PSEN1: variants seen among roughly 807,000 people sequenced by gnomAD.
PSEN1 encodes the protein presenilin 1.
Under a neutral mutation model 53.5 loss-of-function variants are expected in PSEN1, and 15 were observed. That is an observed-to-expected ratio of 0.28 (90% CI 0.19 to 0.43). The LOEUF (loss-of-function observed/expected upper bound fraction) is 0.43. Among genes scored for constraint, PSEN1 ranks in the 20% least tolerant of loss-of-function variants. PSEN1 has a pLI of 1.00. For missense variants in PSEN1, 387 were observed against 571.2 expected (o/e 0.68, Z 3.29); for synonymous variants, 208 against 209.8 (o/e 0.99, Z 0.08).
At chr14:73,179,554 T>A (rs1195985249) in intron 5 of PSEN1, among the ~76,000 whole-genome samples, 1 of 152,028 alleles carries the variant, frequency 6.6e-6, no homozygotes, top group African/African-American at 2.4e-5. Flanking sequence ...GAGGCAGAGG[T>A]TGCAGTGAGC....
chr14:73,200,221 A>G (rs1899121636), intron 8 of PSEN1, among the ~76,000 whole-genome samples: 1 of 152,110 alleles, frequency 6.6e-6, no homozygotes, highest in South Asian at 2.1e-4. Context: ...ACAGATCTGA[A>G]TTTATTTTGT....
At chr14:73,196,475 T>G (rs1477504183) in intron 7 of PSEN1, among the ~76,000 whole-genome samples, 6 of 68,224 alleles carry the variant, frequency 8.8e-5, no homozygotes, top group Non-Finnish European at 1.6e-4. Flanking sequence ...AGGCATGAAA[T>G]TTTTTTTTTT....
intron 1 of PSEN1, among the ~76,000 whole-genome samples, chr14:73,144,126 T>G (rs1897003330): frequency 7.2e-6 from 1 of 139,774 alleles, no homozygotes; most frequent in Admixed American, 7.6e-5. Context: ...CTGCAACCTC[T>G]GCCTCCTGGG....
chr14:73,205,735 A>G (rs1448277305), intron 8 of PSEN1, among the ~76,000 whole-genome samples: 1 of 152,196 alleles, frequency 6.6e-6, no homozygotes, highest in East Asian at 1.9e-4. Context: ...CCTGAAATAT[A>G]TGAGAGAAGC....
chr14:73,188,615 C>G (rs908813542), intron 6 of PSEN1, among the ~76,000 whole-genome samples: 4 of 152,122 alleles, frequency 2.6e-5, no homozygotes, highest in African/African-American at 9.7e-5. Context: ...CCACTGCACC[C>G]CAGGCTGGGT....
intron 4 of PSEN1, among the ~76,000 whole-genome samples, chr14:73,172,580 G>T (rs1044768758): frequency 2.0e-5 from 3 of 152,200 alleles, no homozygotes; most frequent in Non-Finnish European, 4.4e-5. Context: ...TACATTGTCT[G>T]TGGCTGCTTT....
rs796777090 is a variant in PSEN1, at chr14:73,193,566, C to CAA, written c.769+713_769+714dup. Among the ~76,000 whole-genome samples, 406 of 116,644 alleles carry CAA rather than the reference C, an allele frequency of 3.5e-3. 2 individuals carry two copies. Among genetic ancestry groups the CAA allele is most frequent in the African/African-American group, 9.3e-3 (296 of 31,728 alleles). 76.5% of individuals were successfully genotyped at this position (116,644 alleles called of 152,430 possible). ...CTCTGTCTCAAAAAAAAAAAAAAAG[C>CAA]AAAAAAAAAAAAGCACAAGCAGAGT... On this transcript the variant is annotated intron_variant, in intron 7 of 11. Coordinates refer to ENST00000324501, the MANE Select transcript of PSEN1 (RefSeq NM_000021.4).
chr14:73,211,280 G>C (rs1899666836), intron 9 of PSEN1, among the ~76,000 whole-genome samples: 1 of 152,190 alleles, frequency 6.6e-6, no homozygotes, highest in African/African-American at 2.4e-5. Context: ...TCAGCCCACT[G>C]CTCTTCGTGG....
At chr14:73,197,357 C>T (rs923868210) in intron 7 of PSEN1, among the ~76,000 whole-genome samples, 1 of 152,168 alleles carries the variant, frequency 6.6e-6, no homozygotes, top group Non-Finnish European at 1.5e-5. Context: ...GTAAAATAAG[C>T]TACTTTTCAG....
intron 1 of PSEN1, among the ~76,000 whole-genome samples, chr14:73,141,267 A>G (rs537147204): frequency 2.6e-5 from 4 of 151,992 alleles, no homozygotes; most frequent in South Asian, 2.1e-4. Context: ...GCTGAATAAT[A>G]ATCTAATCTA....
rs1897862584 is a variant in PSEN1, at chr14:73,170,806, A to G, written c.97A>G (p.Arg33Gly). The change falls in exon 4 of 12, where the codon AGA becomes GGA. Residue 33 changes from arginine (R) to glycine (G), a missense_variant. Coordinates refer to ENST00000324501, the MANE Select transcript of PSEN1 (RefSeq NM_000021.4). ...TTTCTTGTGCTTATAGAATGACAAT[A>G]GAGAACGGCAGGAGCACAACGACAG... The part of the protein sequence containing the change: ...SNTVRSQNDN[R>G]ERQEHNDRRS... 1 of 1,614,220 alleles carries G rather than the reference A, an allele frequency of 6.2e-7. No homozygotes were observed. Among genetic ancestry groups the G allele is most frequent in the Non-Finnish European group, 8.5e-7 (1 of 1,180,022 alleles).
chr14:73,204,297 C>CTTT (rs546391770), intron 8 of PSEN1, among the ~76,000 whole-genome samples: 1 of 137,526 alleles, frequency 7.3e-6, no homozygotes, highest in Non-Finnish European at 1.6e-5. Flanking sequence ...CATGCCTGGC[C>CTTT]TTTTTTTTTT....
intron 5 of PSEN1, among the ~76,000 whole-genome samples, chr14:73,177,754 T>G (rs572149208): frequency 6.6e-6 from 1 of 152,330 alleles, no homozygotes; most frequent in Non-Finnish European, 1.5e-5. Flanking sequence ...TCACTGTTCT[T>G]CTAAAAGTAA....
chr14:73,217,005 T>C (rs567118609), intron 10 of PSEN1, 121 bp from the exon 11 acceptor site: 1 of 1,097,846 alleles, frequency 9.1e-7, no homozygotes, highest in East Asian at 2.4e-5. Context: ...CCTAATTTTG[T>C]ATATCATTTA....
At chr14:73,218,086 CTTTTTTTTTTTT>C (rs58637970) in intron 11 of PSEN1, among the ~76,000 whole-genome samples, 1 of 97,894 alleles carries the variant, frequency 1.0e-5, no homozygotes, top group African/African-American at 4.4e-5. Context: ...CCGCACCTGG[CTTTTTTTTTTTT>C]TTTTTTTTTT....
chr14:73,178,398 G>A (rs1898108659), intron 5 of PSEN1, among the ~76,000 whole-genome samples: 1 of 149,896 alleles, frequency 6.7e-6, no homozygotes, highest in Admixed American at 6.6e-5. Flanking sequence ...ATGTTGGCCA[G>A]GCTGGTCTTA....
rs1336401887 is a variant in PSEN1, at chr14:73,184,108, C to A, written c.481-2745C>A. On this transcript the variant is annotated intron_variant, in intron 5 of 11. Coordinates refer to ENST00000324501, the MANE Select transcript of PSEN1 (RefSeq NM_000021.4). ...GCGGCTGGCCGGGCGGGGGGCTGAC[C>A]CCCCCCCACCTCCCTCCCGGACAGG... is the stretch of plus-strand genomic sequence containing the variant. Among the ~76,000 whole-genome samples, 263 of 86,936 alleles carry A rather than the reference C, an allele frequency of 3.0e-3. 8 individuals are homozygous for A. The highest frequency in any genetic ancestry group is 0.011 in the African/African-American group (240 of 21,430). 57.0% of individuals were successfully genotyped at this position (86,936 alleles called of 152,430 possible).
intron 11 of PSEN1, among the ~76,000 whole-genome samples, chr14:73,217,820 C>T (rs546487937): frequency 6.1e-4 from 76 of 124,170 alleles, no homozygotes; most frequent in South Asian, 1.6e-3. Context: ...TTTTTTGAGA[C>T]GGAGTCTCTG....
chr14:73,184,734 G>T lies in PSEN1; in HGVS notation c.481-2119G>T, dbSNP rs1307069522. On this transcript the variant is annotated intron_variant, in intron 5 of 11. Coordinates refer to ENST00000324501, the MANE Select transcript of PSEN1 (RefSeq NM_000021.4). ...CCCTCCCGGATGGGGCGGCTGGCCT[G>T]GCGGGGGGCTGACCCCCCCCACCTC... Among the ~76,000 whole-genome samples the T allele has an allele frequency of 6.7e-5, 10 of 149,342 alleles. No individual in the cohort carries two copies. In the East Asian group the frequency reaches 1.3e-3, roughly 20 times the overall value.
Sources: gnomAD v4.1 joint callset for allele counts (sites outside exome capture counted in the v4.1 genomes callset) on GRCh38, gnomAD v4.1.1 for gene constraint, MANE v1.5 for transcripts, NCBI Gene and HGNC (gene_info 2026-07-23, HGNC 2026-07-21) for gene names.